SHISAL1: variants seen among roughly 807,000 people sequenced by gnomAD.
SHISAL1 encodes protein shisa-like-1.
SHISAL1 carries 9 observed loss-of-function variants against 22.6 expected under a neutral mutation model. The ratio of observed to expected loss-of-function variants is 0.40; its 90% CI spans 0.24 to 0.70. SHISAL1 has a LOEUF of 0.70. Among genes scored for constraint, SHISAL1 ranks in the 30% least tolerant of loss-of-function variants. The pLI is 0.39. For synonymous variants in SHISAL1, 119 were observed against 115.4 expected, an observed-to-expected ratio of 1.03 and a Z score of -0.20; for missense variants, 246 against 270.6, an observed-to-expected ratio of 0.91 and a Z score of 0.64.
intron 3 of SHISAL1, among the ~76,000 whole-genome samples, chr22:44,295,281 A>G (rs9614430): frequency 0.17 from 25,388 of 151,858 alleles, 2,227 homozygotes; most frequent in East Asian, 0.26. Flanking sequence ...ATCTCGGGGG[A>G]AAAGAGATGG....
chr22:44,278,759 T>A (rs1160325748), intron 4 of SHISAL1, among the ~76,000 whole-genome samples: 2 of 152,068 alleles, frequency 1.3e-5, no homozygotes, highest in Non-Finnish European at 1.5e-5. Flanking sequence ...GTCGTGGTGA[T>A]GTGGATCCTA....
chr22:44,256,526 T>C (rs1223668165), intron 4 of SHISAL1, among the ~76,000 whole-genome samples: 1 of 152,242 alleles, frequency 6.6e-6, no homozygotes. Flanking sequence ...TTCTCCCAGA[T>C]AAACCCAAGG....
At chr22:44,296,067 C>T (rs767859945) in intron 3 of SHISAL1, among the ~76,000 whole-genome samples, 62 of 152,318 alleles carry the variant, frequency 4.1e-4, no homozygotes, top group African/African-American at 1.4e-3. Flanking sequence ...GCGCCTTCTA[C>T]GCCTGAAAGC....
chr22:44,249,495 CTA>C lies in SHISAL1; in HGVS notation c.*188_*189del. The C allele has an allele frequency of 1.9e-6, 1 of 537,684 alleles. No individual in the cohort carries two copies. Among genetic ancestry groups the C allele is most frequent in the Non-Finnish European group, 3.4e-6 (1 of 291,858 alleles). The allele number at this position is 537,684 out of a possible 1,614,324, so 33.3% of individuals were successfully genotyped here. On this transcript the variant is annotated 3_prime_UTR_variant, in exon 5 of 5. Coordinates refer to ENST00000381176, the MANE Select transcript of SHISAL1 (RefSeq NM_001099294.2). ...ATCCCCTCCCCTGCACCCCCAGCCCCTACCCCTGAGTTTGCTCCTAATCTTAG... is the reference window on the plus strand; with the variant it reads ...ATCCCCTCCCCTGCACCCCCAGCCCCCCCCTGAGTTTGCTCCTAATCTTAG...
intron 4 of SHISAL1, among the ~76,000 whole-genome samples, chr22:44,271,355 A>T (rs1487435434): frequency 6.6e-6 from 1 of 152,110 alleles, no homozygotes; most frequent in Non-Finnish European, 1.5e-5. Context: ...CCCAGAGCTC[A>T]CAGCTGAAGC....
chr22:44,254,192 T>G (rs1454658559), intron 4 of SHISAL1, among the ~76,000 whole-genome samples: 1 of 152,054 alleles, frequency 6.6e-6, no homozygotes, highest in Non-Finnish European at 1.5e-5. Flanking sequence ...ACACTGATCT[T>G]ATTAATAAAT....
the SHISAL1 span, among the ~76,000 whole-genome samples, chr22:44,326,025 G>A: frequency 2.0e-5 from 3 of 152,058 alleles, no homozygotes; most frequent in Admixed American, 6.5e-5. Context: ...GAAGGACCCT[G>A]TTTCAAATCG....
At position 44,262,512 on chromosome 22, in the gene SHISAL1, A is replaced by G. The variant is rs141797438; in HGVS notation, c.*-12827T>C. On this transcript the variant is annotated intron_variant, in intron 4 of 4. Coordinates refer to ENST00000381176, the MANE Select transcript of SHISAL1 (RefSeq NM_001099294.2). ...ATGCGTGTGGAGCCTCAGTTCTCTCAGCAGCCTCAGGGGTGGGGACCACTA... is the reference window on the plus strand; with the variant it reads ...ATGCGTGTGGAGCCTCAGTTCTCTCGGCAGCCTCAGGGGTGGGGACCACTA... Among the ~76,000 whole-genome samples, 93 of 152,324 alleles carry G rather than the reference A, an allele frequency of 6.1e-4. No individual in the cohort carries two copies. In the South Asian group the frequency reaches 6.6e-3, roughly 11 times the overall value.
intron 4 of SHISAL1, among the ~76,000 whole-genome samples, chr22:44,275,054 C>T (rs1371600346): frequency 6.6e-6 from 1 of 152,232 alleles, no homozygotes; most frequent in Non-Finnish European, 1.5e-5. Context: ...CAGCTCACCC[C>T]TCTGCGGGTT....
At chr22:44,266,534 G>A (rs201176839) in intron 4 of SHISAL1, among the ~76,000 whole-genome samples, 42 of 120,274 alleles carry the variant, frequency 3.5e-4, no homozygotes, top group East Asian at 2.1e-3. Context: ...GGGTATGTGT[G>A]TGTGTGTGTG....
chr22:44,320,808 C>G, the SHISAL1 span, among the ~76,000 whole-genome samples: 1 of 152,194 alleles, frequency 6.6e-6, no homozygotes, highest in Non-Finnish European at 1.5e-5. Flanking sequence ...GGCAGCAGCT[C>G]GTCCCTAGAG....
rs770836118 is a variant in SHISAL1 at position 44,305,814 on chromosome 22, G to A, written c.-32-4837C>T. Among the ~76,000 whole-genome samples the A allele has an allele frequency of 7.3e-4, 111 of 152,152 alleles. 1 individual carries two copies. The highest frequency in any genetic ancestry group is 1.2e-3 in the Non-Finnish European group (81 of 68,020). On this transcript the variant is annotated intron_variant, in intron 1 of 4. Coordinates refer to ENST00000381176, the MANE Select transcript of SHISAL1 (RefSeq NM_001099294.2). ...GATAGGTCACCGTGCGATCAAAGCC[G>A]CAGCCCTGTATGCTGGACAAAAGCC... is the stretch of plus-strand genomic sequence containing the variant.
In SHISAL1 at chr22:44,257,879, C is replaced by T. The variant is rs188222752; in HGVS notation, c.*-8194G>A. ...TTTTAAGGCCAGGCACGGTGGCTCA[C>T]GCCTGTAATCCCAGCACTTTGGGAG... On this transcript the variant is annotated intron_variant, in intron 4 of 4. Transcript: ENST00000381176. Among the ~76,000 whole-genome samples, 488 of 152,290 alleles carry T rather than the reference C, an allele frequency of 3.2e-3. 2 individuals carry two copies. The highest frequency in any genetic ancestry group is 0.011 in the African/African-American group (460 of 41,544).
chr22:44,318,169 T>C, the SHISAL1 span, among the ~76,000 whole-genome samples: 7 of 152,268 alleles, frequency 4.6e-5, no homozygotes, highest in Non-Finnish European at 7.3e-5. Context: ...GCAGGCCCGA[T>C]GCCATGCACC....
chr22:44,319,720 CCTTCCCACCA>C, the SHISAL1 span, among the ~76,000 whole-genome samples: 1 of 152,356 alleles, frequency 6.6e-6, no homozygotes, highest in South Asian at 2.1e-4. Context: ...GCTCTCCTGC[CCTTCCCACCA>C]CTCCGGTCTG....
chr22:44,284,272 A>T (rs2055295893), intron 4 of SHISAL1, among the ~76,000 whole-genome samples: 1 of 151,942 alleles, frequency 6.6e-6, no homozygotes, highest in Non-Finnish European at 1.5e-5. Flanking sequence ...AGGACCTACT[A>T]TGTGCCAGGT....
chr22:44,269,848 G>A (rs1399962843), intron 4 of SHISAL1, among the ~76,000 whole-genome samples: 2 of 152,140 alleles, frequency 1.3e-5, no homozygotes, highest in East Asian at 3.9e-4. Context: ...GGCGTCCCAT[G>A]GTGGTAACGA....
intron 4 of SHISAL1, among the ~76,000 whole-genome samples, chr22:44,250,466 T>A (rs1358076042): frequency 6.6e-6 from 1 of 152,194 alleles, no homozygotes; most frequent in African/African-American, 2.4e-5. Flanking sequence ...CAGAGTCAAG[T>A]TGCAAACAAG....
intron 4 of SHISAL1, among the ~76,000 whole-genome samples, chr22:44,260,240 C>T (rs947771833): frequency 2.0e-5 from 3 of 152,192 alleles, no homozygotes; most frequent in Admixed American, 6.5e-5. Context: ...CTTAACCAAG[C>T]TCTGGAATAA....
Sources: gnomAD v4.1 joint callset for allele counts (sites outside exome capture counted in the v4.1 genomes callset) on GRCh38, gnomAD v4.1.1 for gene constraint, MANE v1.5 for transcripts, NCBI Gene and HGNC (gene_info 2026-07-23, HGNC 2026-07-21) for gene names.